DENND3: variants seen among roughly 807,000 people sequenced by gnomAD.
The protein encoded by DENND3 is DENN domain-containing protein 3.
DENND3 carries 88 observed loss-of-function variants against 135.1 expected under a neutral mutation model. The ratio of observed to expected loss-of-function variants is 0.65; its 90% CI spans 0.55 to 0.78. The LOEUF (loss-of-function observed/expected upper bound fraction) is 0.78, where lower values mean the gene tolerates loss of function less well. Among genes scored for constraint, DENND3 ranks in the 30% least tolerant of loss-of-function variants. The pLI is 0.00. For missense variants in DENND3, 1,392 were observed against 1,688.4 expected (o/e 0.82, Z 3.08); for synonymous variants, 693 against 712.3 (o/e 0.97, Z 0.43).
rs1425272034 is a variant in DENND3, at chr8:141,146,161, AT to A, written c.735+1905del. On this transcript the variant is annotated intron_variant, in intron 5 of 22. Transcript: ENST00000519811. This position sits in a 1 kb window ranked among gnomAD's most constrained non-coding sequence, Gnocchi z 4.3. Reference sequence around the variant, plus strand: ...GCGCCCGCCCTGGATATTGTATTTCATTTGTTAGTGTTTTCTCTTGTACAGT... The same window carrying A: ...GCGCCCGCCCTGGATATTGTATTTCATTGTTAGTGTTTTCTCTTGTACAGT... 6.6e-6 allele frequency among the ~76,000 whole-genome samples: 1 copy of A among 151,988 alleles called. No individual in the cohort carries two copies. The highest frequency in any genetic ancestry group is 1.5e-5 in the Non-Finnish European group (1 of 68,000).
Position 141,168,142 on chromosome 8 carries a change from A to G in DENND3, c.1892A>G (p.Asp631Gly). The G allele has an allele frequency of 6.2e-7, 1 of 1,614,194 alleles. No homozygotes were observed. The highest frequency in any genetic ancestry group is 8.5e-7 in the Non-Finnish European group (1 of 1,180,048). ...GAGGCCATGTGCTTTCTGGCCCCCG[A>G]TAACTCTCTGCTCCTGGCCCGCTAT... is the stretch of plus-strand genomic sequence containing the variant. ...LSEAMCFLAP[D>G]NSLLLARYLY... Residue 631 changes from aspartate to glycine, a missense_variant, in exon 13 of 23, where the codon GAT (aspartate) becomes GGT (glycine). Coordinates refer to ENST00000519811, the MANE Select transcript of DENND3 (RefSeq NM_001352890.3). This position sits in a 1 kb window ranked among gnomAD's most constrained non-coding sequence, Gnocchi z 6.2.
At chr8:141,145,790 T>C (rs1282806249) in intron 5 of DENND3, among the ~76,000 whole-genome samples, 4 of 142,654 alleles carry the variant, frequency 2.8e-5, no homozygotes, top group Non-Finnish European at 6.1e-5. Flanking sequence ...TTATTTGTCT[T>C]TAATATTGAA....
chr8:141,191,475 C>T (rs60082856), intron 20 of DENND3: 7,955 of 152,338 alleles, frequency 0.052, 688 homozygotes, highest in African/African-American at 0.18. Context: ...TTTGAAAAAC[C>T]GTCAGACTGT....
intron 16 of DENND3, among the ~76,000 whole-genome samples, chr8:141,179,483 G>A (rs1357033012): frequency 6.6e-6 from 1 of 152,202 alleles, no homozygotes; most frequent in African/African-American, 2.4e-5. Context: ...GCTGGCTCCC[G>A]CTCCCTCGTT....
intron 15 of DENND3, chr8:141,177,759 G>A (rs555322484): frequency 1.1e-5 from 3 of 269,042 alleles, no homozygotes; most frequent in Admixed American, 9.9e-5. Context: ...AATGTCCCTC[G>A]GTGCTCCCAT....
At chr8:141,179,533 C>T (rs1269970976) in intron 16 of DENND3, among the ~76,000 whole-genome samples, 1 of 152,214 alleles carries the variant, frequency 6.6e-6, no homozygotes, top group African/African-American at 2.4e-5. Context: ...AAGCTCAGGA[C>T]ACATGAGCCT....
intron 9 of DENND3, 131 bp downstream of exon 9, chr8:141,160,918 G>GC (rs1394786454): frequency 1.7e-6 from 2 of 1,171,254 alleles, no homozygotes; most frequent in Non-Finnish European, 2.3e-6. Flanking sequence ...AGTGGTCCCC[G>GC]CCCCCTGCCA....
intron 1 of DENND3, among the ~76,000 whole-genome samples, chr8:141,135,706 AT>A (rs1646187303): frequency 1.3e-5 from 2 of 152,212 alleles, no homozygotes; most frequent in Non-Finnish European, 2.9e-5. Context: ...TAGTAGTAAC[AT>A]GGAAGAGAGA....
At chr8:141,152,754 G>A (rs760904053) in intron 7 of DENND3, among the ~76,000 whole-genome samples, 1 of 152,124 alleles carries the variant, frequency 6.6e-6, no homozygotes, top group Non-Finnish European at 1.5e-5. Context: ...TTTCTCTCGG[G>A]TGTGTCCCTA....
chr8:141,194,249 C>A lies in DENND3; in HGVS notation c.*16C>A. ...AGGCGAATAAACGTGGCTGAGTCTG[C>A]CAAGTGGAACTGTGCCCTATGTGTG... On this transcript the variant is annotated 3_prime_UTR_variant, in exon 23 of 23. Coordinates refer to ENST00000519811, the MANE Select transcript of DENND3 (RefSeq NM_001352890.3). 3.1e-6 allele frequency: 5 copies of A among 1,607,970 alleles called. No homozygotes were observed. The highest frequency in any genetic ancestry group is 4.2e-6 in the Non-Finnish European group (5 of 1,178,276).
Position 141,194,422 on chromosome 8 carries a change from C to G in DENND3, c.*189C>G, listed in dbSNP as rs1015680066. On this transcript the variant is annotated 3_prime_UTR_variant, in exon 23 of 23. Coordinates refer to ENST00000519811, the MANE Select transcript of DENND3 (RefSeq NM_001352890.3). ...CACCTTCTCTCAGGCCTTCGGGCCC[C>G]CTGGTTAAACTGCACCAAGGGTGTT... 1.6e-6 allele frequency: 1 copy of G among 640,566 alleles called. No homozygotes were observed. The highest frequency in any genetic ancestry group is 2.7e-6 in the Non-Finnish European group (1 of 374,232). The allele number at this position is 640,566 out of a possible 1,614,324, so 39.7% of individuals were successfully genotyped here. A position where few individuals can be genotyped will look rare whatever the true frequency, so the allele number is the denominator to read the frequency against.
intron 1 of DENND3, among the ~76,000 whole-genome samples, chr8:141,133,985 C>T (rs1816470592): frequency 6.6e-6 from 1 of 152,042 alleles, no homozygotes; most frequent in Admixed American, 6.6e-5. Context: ...GCGAAGGACC[C>T]AGGCCTGGGA....
rs3739232 is a variant in DENND3 at position 141,128,761 on chromosome 8, C to G, written c.54C>G (p.Leu18=). The change falls in exon 1 of 23, where the codon CTC becomes CTG. Residue 18 remains leucine (L), a synonymous_variant. Coordinates refer to ENST00000519811, the MANE Select transcript of DENND3 (RefSeq NM_001352890.3). This position sits in a 1 kb window ranked among gnomAD's most constrained non-coding sequence, Gnocchi z 4.5. ...CGCTGCCCTCGGGGCTGCTGGAGCT[C>G]TGCGCGCTGCTGGGCGCCCCCCGGG... is the stretch of plus-strand genomic sequence containing the variant. The part of the protein sequence containing the change: ...HLSLPSGLLE[L]CALLGAPRDS... The G allele has an allele frequency of 0.45, 661,442 of 1,465,116 alleles. 151,255 individuals carry two copies. The highest frequency in any genetic ancestry group is 0.6 in the African/African-American group (41,007 of 68,106). 90.8% of individuals were successfully genotyped at this position (1,465,116 alleles called of 1,614,324 possible).
chr8:141,160,484 T>A (rs567945428), intron 8 of DENND3, 148 bp from the exon 9 acceptor site: 4 of 1,017,806 alleles, frequency 3.9e-6, no homozygotes, highest in Non-Finnish European at 4.0e-6. Flanking sequence ...CCAGCCCCAG[T>A]GATGTACTTT....
chr8:141,128,682 G>T lies in DENND3; in HGVS notation c.-26G>T. 7.3e-7 allele frequency: 1 copy of T among 1,369,254 alleles called. No individual in the cohort carries two copies. The highest frequency in any genetic ancestry group is 1.6e-5 in the South Asian group (1 of 62,882). 84.8% of individuals were successfully genotyped at this position (1,369,254 alleles called of 1,614,324 possible). A position where few individuals can be genotyped will look rare whatever the true frequency, so the allele number is the denominator to read the frequency against. ...TGCGCGGCTGAGGCGCCCGAGTGCG[G>T]TACTGGCGGCGGGCGGCGGGCAGCC... On this transcript the variant is annotated 5_prime_UTR_variant, in exon 1 of 23. Coordinates refer to ENST00000519811, the MANE Select transcript of DENND3 (RefSeq NM_001352890.3). This position sits in a 1 kb window ranked among gnomAD's most constrained non-coding sequence, Gnocchi z 4.5.
chr8:141,188,747 G>GAATC (rs1227095479), intron 18 of DENND3: 2 of 492,344 alleles, frequency 4.1e-6, no homozygotes, highest in African/African-American at 4.1e-5. Flanking sequence ...TCGTGTTAAT[G>GAATC]AATCAATCAT....
At position 141,189,091 on chromosome 8, in the gene DENND3, G is replaced by A. The variant is rs1207193487; in HGVS notation, c.3190G>A (p.Ala1064Thr). Reference sequence around the variant, plus strand: ...CATGTCCTGCAACAAGCAGCTCACAGCCCACTGCTCCAGTGTCACGGATTT... The same window carrying A: ...CATGTCCTGCAACAAGCAGCTCACAACCCACTGCTCCAGTGTCACGGATTT... ...HSMSCNKQLT[A>T]HCSSVTDLIV... Residue 1064 changes from alanine to threonine, a missense_variant, in exon 19 of 23, where the codon GCC (alanine) becomes ACC (threonine). Coordinates refer to ENST00000519811, the MANE Select transcript of DENND3 (RefSeq NM_001352890.3). The A allele has an allele frequency of 3.1e-6, 5 of 1,614,208 alleles. No homozygotes were observed. The highest frequency in any genetic ancestry group is 2.2e-5 in the East Asian group (1 of 44,886).
intron 15 of DENND3, 43 bp downstream of exon 15, chr8:141,176,804 C>T (rs1447435636): frequency 6.9e-6 from 11 of 1,597,840 alleles, no homozygotes; most frequent in Admixed American, 1.7e-5. Context: ...GTGGCTGCCT[C>T]AGGGGCCTCT....
At chr8:141,135,337 A>C (rs1194982348) in intron 1 of DENND3, among the ~76,000 whole-genome samples, 3 of 151,570 alleles carry the variant, frequency 2.0e-5, no homozygotes, top group Non-Finnish European at 4.4e-5. Flanking sequence ...TTTTTTGTAG[A>C]GACGAGGTCT....
Sources: allele counts gnomAD v4.1 joint callset (sites outside exome capture counted in the v4.1 genomes callset), GRCh38; gene constraint gnomAD v4.1.1; non-coding constraint Gnocchi (gnomAD v3.1); transcripts MANE v1.5; gene names NCBI Gene and HGNC (gene_info 2026-07-23, HGNC 2026-07-21).